Variants in RARB observed in about 807,000 individuals in gnomAD.
RARB encodes retinoic acid receptor beta, also known as HBV-activated protein.
In RARB, 17 loss-of-function variants were observed where a neutral mutation model predicts 51.9. The observed-to-expected ratio is 0.33, with a 90% CI of 0.22 to 0.49. The LOEUF (loss-of-function observed/expected upper bound fraction) is 0.49, where lower values mean the gene tolerates loss of function less well. Among genes scored for constraint, RARB ranks in the 20% least tolerant of loss-of-function variants. The pLI, the probability that RARB is intolerant of heterozygous loss-of-function variation, is 0.99. For synonymous variants in RARB, 215 were observed against 195.4 expected, an observed-to-expected ratio of 1.10 and a Z score of -0.84; for missense variants, 369 against 550.8, an observed-to-expected ratio of 0.67 and a Z score of 3.30.
chr3:24,998,277 G>GTTTTTTTTT (rs71622792), intron 2 of RARB, among the ~76,000 whole-genome samples: 4 of 140,482 alleles, frequency 2.8e-5, no homozygotes, highest in Non-Finnish European at 3.1e-5. Flanking sequence ...CTTGTAGTTT[G>GTTTTTTTTT]TTTTTTTTTT....
chr3:25,461,019 A>C (rs957937457), intron 1 of RARB, among the ~76,000 whole-genome samples, 174 bp from the exon 2 acceptor site: 2 of 152,186 alleles, frequency 1.3e-5, no homozygotes, highest in Admixed American at 6.5e-5. Context: ...AGAGTACCAC[A>C]TCAATGTCAG....
chr3:25,214,819 G>A (rs1042922283), intron 5 of RARB, among the ~76,000 whole-genome samples: 9 of 152,168 alleles, frequency 5.9e-5, no homozygotes, highest in African/African-American at 1.9e-4. Flanking sequence ...CAAAAACAGA[G>A]GCTAAGCCTT....
intron 2 of RARB, among the ~76,000 whole-genome samples, chr3:24,943,895 A>G (rs924381396): frequency 1.3e-5 from 2 of 152,200 alleles, no homozygotes; most frequent in Non-Finnish European, 2.9e-5. Flanking sequence ...GGATATTTCA[A>G]TATCAAACAT....
intron 2 of RARB, chr3:25,024,994 A>ATTGG (rs929926187): frequency 1.3e-5 from 2 of 151,926 alleles, no homozygotes; most frequent in African/African-American, 4.8e-5. Flanking sequence ...AAAAAGAAAA[A>ATTGG]TTGGTTAGCA....
At chr3:24,953,046 A>G (rs1695932426) in intron 2 of RARB, among the ~76,000 whole-genome samples, 1 of 152,134 alleles carries the variant, frequency 6.6e-6, no homozygotes, top group African/African-American at 2.4e-5. Flanking sequence ...TTTAGTATTA[A>G]ATGAACTCCA....
chr3:25,182,022 A>G (rs982926518), intron 5 of RARB, among the ~76,000 whole-genome samples: 2 of 152,220 alleles, frequency 1.3e-5, no homozygotes, highest in African/African-American at 2.4e-5. Flanking sequence ...ACATTTTTCT[A>G]TTCATCCTTG....
intron 3 of RARB, among the ~76,000 whole-genome samples, chr3:25,109,052 T>C (rs564509055): frequency 6.6e-6 from 1 of 152,298 alleles, no homozygotes; most frequent in Admixed American, 6.5e-5. Flanking sequence ...TACCTAGCCT[T>C]TTAAAGTTGC....
chr3:25,022,578 C>A (rs1463716079), intron 2 of RARB, among the ~76,000 whole-genome samples: 1 of 152,190 alleles, frequency 6.6e-6, no homozygotes, highest in African/African-American at 2.4e-5. Flanking sequence ...CATTCCAGTT[C>A]CTCTACATGC....
intron 2 of RARB, among the ~76,000 whole-genome samples, chr3:24,988,607 G>C (rs1470532240): frequency 1.3e-5 from 2 of 151,750 alleles, no homozygotes. Context: ...AAATAGTTTT[G>C]GTTCTTCTGT....
chr3:25,406,837 T>A (rs1431001084), intron 5 of RARB, among the ~76,000 whole-genome samples: 1 of 152,176 alleles, frequency 6.6e-6, no homozygotes, highest in Non-Finnish European at 1.5e-5. Context: ...TCACGTATTT[T>A]ACATTGCCTC....
upstream of RARB, among the ~76,000 whole-genome samples, chr3:25,423,993 A>G (rs938798491): frequency 6.6e-6 from 1 of 152,238 alleles, no homozygotes; most frequent in Non-Finnish European, 1.5e-5. Flanking sequence ...GAAGCACTAA[A>G]GAAAATAATT....
At chr3:25,275,775 G>T (rs936932596) in intron 5 of RARB, among the ~76,000 whole-genome samples, 3 of 150,978 alleles carry the variant, frequency 2.0e-5, no homozygotes, top group Non-Finnish European at 2.9e-5. Context: ...GGCTTGTCGT[G>T]GGGTGGAGGG....
intron 3 of RARB, among the ~76,000 whole-genome samples, chr3:25,549,521 T>A (rs1298236010): frequency 1.3e-5 from 2 of 152,152 alleles, no homozygotes; most frequent in Non-Finnish European, 2.9e-5. Context: ...CTCGGGGTAG[T>A]CACATGTCCT....
intron 5 of RARB, among the ~76,000 whole-genome samples, chr3:25,291,581 G>A (rs1703789464): frequency 6.6e-6 from 1 of 150,846 alleles, no homozygotes; most frequent in Non-Finnish European, 1.5e-5. Flanking sequence ...ATTGTTAGAG[G>A]GGAGCTTCAC....
At chr3:25,498,554 T>A (rs1005710498) in intron 2 of RARB, among the ~76,000 whole-genome samples, 4 of 152,230 alleles carry the variant, frequency 2.6e-5, no homozygotes, top group Admixed American at 6.5e-5. Flanking sequence ...CCTATTTAGT[T>A]TCTGCCATCA....
chr3:24,923,924 A>G (rs746672133), intron 2 of RARB, among the ~76,000 whole-genome samples: 1 of 152,158 alleles, frequency 6.6e-6, no homozygotes, highest in Non-Finnish European at 1.5e-5. Flanking sequence ...AGATTCTTAG[A>G]TATTTCAACA....
chr3:25,042,169 C>T (rs1698127819), intron 2 of RARB, among the ~76,000 whole-genome samples: 1 of 152,166 alleles, frequency 6.6e-6, no homozygotes, highest in African/African-American at 2.4e-5. Flanking sequence ...AGCTGGATAT[C>T]TGGTTGTTTA....
Position 25,105,215 on chromosome 3 carries a change from C to G in RARB, c.-327-26946C>G, listed in dbSNP as rs145627708. 2.5e-4 allele frequency among the ~76,000 whole-genome samples: 37 copies of G among 149,816 alleles called. No individual in the cohort carries two copies. In the East Asian group the frequency reaches 7.4e-3, roughly 30 times the overall value. The stretch of plus-strand genomic sequence containing the variant: ...TACCACATACAAATATCCTGAATCC[C>G]CACAGAGCATCTACACACCACTGGA... On this transcript the variant is annotated intron_variant, in intron 3 of 11. Transcript: ENST00000383772.
intron 5 of RARB, among the ~76,000 whole-genome samples, chr3:25,176,330 T>TTTCC (rs1559493144): frequency 4.0e-5 from 2 of 50,310 alleles, no homozygotes; most frequent in African/African-American, 1.3e-4. Flanking sequence ...TCTTTCTTTC[T>TTTCC]TTCTTTCCTT....
Sources: allele counts gnomAD v4.1 joint callset (sites outside exome capture counted in the v4.1 genomes callset), GRCh38; gene constraint gnomAD v4.1.1; transcripts MANE v1.5; gene names NCBI Gene and HGNC (gene_info 2026-07-23, HGNC 2026-07-21).